The following NALF1 variants were observed in gnomAD, a reference collection of about 807,000 sequenced individuals.
The protein encoded by NALF1 is family with sequence similarity 155 member A.
NALF1 carries 3 observed loss-of-function variants against 48.4 expected under a neutral mutation model. The ratio of observed to expected loss-of-function variants is 0.06; its 90% CI spans 0.03 to 0.16. NALF1 has a LOEUF of 0.16. Among genes scored for constraint, NALF1 ranks in the 10% least tolerant of loss-of-function variants. The pLI is 1.00. For synonymous variants in NALF1, 262 were observed against 245.7 expected (o/e 1.07, Z -0.62); for missense variants, 526 against 571.5 (o/e 0.92, Z 0.81).
At chr13:107,260,546 G>T (rs990042847) in intron 1 of NALF1, among the ~76,000 whole-genome samples, 2 of 152,186 alleles carry the variant, frequency 1.3e-5, no homozygotes, top group African/African-American at 2.4e-5. Context: ...CCCCCACTCT[G>T]ATTTTCCAGC....
intron 1 of NALF1, among the ~76,000 whole-genome samples, chr13:107,614,564 A>C (rs1007209336): frequency 5.9e-5 from 9 of 152,220 alleles, no homozygotes; most frequent in Admixed American, 1.3e-4. Flanking sequence ...TCCTTAGAAC[A>C]TTATAAGTGC....
intron 1 of NALF1, among the ~76,000 whole-genome samples, chr13:107,596,860 T>C (rs1415206079): frequency 1.3e-5 from 2 of 152,194 alleles, no homozygotes; most frequent in South Asian, 2.1e-4. Context: ...TTCGTGTTCA[T>C]TTCTATTTTT....
chr13:107,787,977 G>A (rs7139940), intron 1 of NALF1, among the ~76,000 whole-genome samples: 3,677 of 152,182 alleles, frequency 0.024, 118 homozygotes, highest in African/African-American at 0.084. Context: ...CCCACGGTTT[G>A]CATGAATTGT....
At chr13:107,758,624 C>G (rs1877182211) in intron 1 of NALF1, among the ~76,000 whole-genome samples, 1 of 151,890 alleles carries the variant, frequency 6.6e-6, no homozygotes, top group East Asian at 1.9e-4. Context: ...GGGAGGCTGA[C>G]ACAGGAGAAT....
chr13:107,423,367 T>G (rs1884225918), intron 1 of NALF1, among the ~76,000 whole-genome samples: 1 of 152,100 alleles, frequency 6.6e-6, no homozygotes, highest in Admixed American at 6.6e-5. Context: ...TAAGACACAG[T>G]GAGCAGAATG....
intron 1 of NALF1, among the ~76,000 whole-genome samples, chr13:107,531,513 T>C (rs950446812): frequency 5.3e-5 from 8 of 152,122 alleles, no homozygotes; most frequent in African/African-American, 1.9e-4. Flanking sequence ...CTCTTTGTTT[T>C]ATAAATTATG....
At chr13:107,591,030 G>T (rs541326648) in intron 1 of NALF1, among the ~76,000 whole-genome samples, 1 of 151,922 alleles carries the variant, frequency 6.6e-6, no homozygotes, top group Non-Finnish European at 1.5e-5. Flanking sequence ...CTTACTGATA[G>T]AAATAACATG....
At chr13:107,455,161 C>A (rs1884803458) in intron 1 of NALF1, among the ~76,000 whole-genome samples, 1 of 152,078 alleles carries the variant, frequency 6.6e-6, no homozygotes, top group Non-Finnish European at 1.5e-5. Flanking sequence ...AAGATGGTGC[C>A]TGCTTCCCCT....
At chr13:107,469,426 G>C (rs1885060439) in intron 1 of NALF1, among the ~76,000 whole-genome samples, 1 of 152,144 alleles carries the variant, frequency 6.6e-6, no homozygotes, top group African/African-American at 2.4e-5. Flanking sequence ...CCACCATGTG[G>C]TTGTAAAGTA....
chr13:107,464,312 A>T (rs540180158), intron 1 of NALF1, among the ~76,000 whole-genome samples: 104 of 152,308 alleles, frequency 6.8e-4, no homozygotes, highest in Middle Eastern at 6.8e-3. Flanking sequence ...CATGAAGATG[A>T]ATGAAATTTA....
chr13:107,546,622 G>T (rs1261108621), intron 1 of NALF1, among the ~76,000 whole-genome samples: 1 of 151,894 alleles, frequency 6.6e-6, no homozygotes, highest in Non-Finnish European at 1.5e-5. Flanking sequence ...TAATTATTTT[G>T]TGGTTTCTCT....
chr13:107,599,145 T>A (rs1280208404), intron 1 of NALF1, among the ~76,000 whole-genome samples: 3 of 152,084 alleles, frequency 2.0e-5, no homozygotes, highest in African/African-American at 7.2e-5. Context: ...CAAGAAACCA[T>A]CTCTAGGGAT....
Position 107,710,930 on chromosome 13 carries a change from T to C in NALF1, c.915+154752A>G, listed in dbSNP as rs1376993511. Among the ~76,000 whole-genome samples the C allele has an allele frequency of 2.6e-5, 4 of 151,522 alleles. No homozygotes were observed. In the East Asian group the frequency reaches 7.8e-4, roughly 29 times the overall value. On this transcript the variant is annotated intron_variant, in intron 1 of 2. Coordinates refer to ENST00000375915, the MANE Select transcript of NALF1 (RefSeq NM_001080396.3). ...ATTAATATATACACACACACAAACA[T>C]ATATATACACACATACATTCCTAGT...
intron 1 of NALF1, among the ~76,000 whole-genome samples, chr13:107,256,064 T>G (rs1040446277): frequency 6.6e-6 from 1 of 152,188 alleles, no homozygotes; most frequent in African/African-American, 2.4e-5. Context: ...TCATCCCGGC[T>G]CCAGAAAGCC....
intron 1 of NALF1, among the ~76,000 whole-genome samples, chr13:107,248,892 T>C (rs762744637): frequency 6.9e-6 from 1 of 145,264 alleles, no homozygotes; most frequent in African/African-American, 2.8e-5. Context: ...AACAGTACAA[T>C]ACAGACAATT....
At chr13:107,476,018 G>A (rs73594703) in intron 1 of NALF1, among the ~76,000 whole-genome samples, 4,250 of 152,244 alleles carry the variant, frequency 0.028, 200 homozygotes, top group African/African-American at 0.097. Context: ...TCATTGAGAA[G>A]AAGAGATTTA....
At chr13:107,523,694 G>A (rs1049862447) in intron 1 of NALF1, among the ~76,000 whole-genome samples, 1 of 151,812 alleles carries the variant, frequency 6.6e-6, no homozygotes, top group African/African-American at 2.4e-5. Context: ...CTGGAAGGTT[G>A]GTAGTACCTA....
intron 1 of NALF1, among the ~76,000 whole-genome samples, chr13:107,784,451 G>A (rs1183665995): frequency 2.0e-5 from 3 of 151,870 alleles, no homozygotes; most frequent in Non-Finnish European, 4.4e-5. Flanking sequence ...AAAGCTCCTC[G>A]GATTATCTTA....
intron 1 of NALF1, among the ~76,000 whole-genome samples, chr13:107,715,898 T>C (rs941644974): frequency 1.3e-5 from 2 of 152,196 alleles, no homozygotes; most frequent in Non-Finnish European, 2.9e-5. Flanking sequence ...GGGGATAGAA[T>C]TCTTTCCTTA....
Sources: allele counts gnomAD v4.1 joint callset (sites outside exome capture counted in the v4.1 genomes callset), GRCh38; gene constraint gnomAD v4.1.1; transcripts MANE v1.5; gene names NCBI Gene and HGNC (gene_info 2026-07-23, HGNC 2026-07-21).